Variants in RAMACL observed in about 807,000 individuals in gnomAD.
The protein encoded by RAMACL is RNA guanine-7 methyltransferase activating subunit like, also known as RNA guanine-N7 methyltransferase-activating subunit-like protein.
In RAMACL, 9 loss-of-function variants were observed where a neutral mutation model predicts 13.4. The ratio of observed to expected loss-of-function variants is 0.67; its 90% CI spans 0.41 to 1.17. The LOEUF is 1.17. Ranked by LOEUF, RAMACL falls within the 50% of genes most tolerant of loss-of-function variation. The pLI is 0.01. For synonymous variants in RAMACL, 39 were observed against 49.3 expected (o/e 0.79, Z 0.88); for missense variants, 124 against 141.6 (o/e 0.88, Z 0.63).
At chr6:166,584,714 G>A (rs953525810), downstream of RAMACL, among the ~76,000 whole-genome samples, 2 of 152,128 alleles carry the variant, frequency 1.3e-5, no homozygotes, top group Non-Finnish European at 2.9e-5. Context: ...AATTTTTAAC[G>A]GAAACAAAGG....
At chr6:166,584,428 A>G (rs892155681), downstream of RAMACL, among the ~76,000 whole-genome samples, 1 of 152,250 alleles carries the variant, frequency 6.6e-6, no homozygotes, top group Admixed American at 6.5e-5. Context: ...AATTGAGTCC[A>G]TTAACATTCC....
chr6:166,586,650 T>G (rs1310963760), exon 1 of RAMACL, among the ~76,000 whole-genome samples: 3 of 124,530 alleles, frequency 2.4e-5, no homozygotes. Context: ...CCACTCCAGT[T>G]CTCCAATGTA....
rs1053773428 is a variant in RAMACL at position 166,586,309 on chromosome 6, G to A, written c.169C>T (p.Arg57Trp). ...CTGAACTGTCTGTTGTCTTGCAACC[G>A]ATTGCCTCTGTTTCTTTGGTTCCCA... Residue 57 changes from arginine (R) to tryptophan (W), a missense_variant, in exon 1 of 1, where the codon CGG becomes TGG. Arg to Trp is a moderately radical substitution (Grantham distance 101, BLOSUM62 -3). Coordinates refer to ENST00000444122, the Ensembl canonical transcript of RAMACL. The A allele has an allele frequency of 2.0e-5, 32 of 1,598,970 alleles. No homozygotes were observed. In the South Asian group the frequency reaches 2.2e-4, roughly 11 times the overall value.
downstream of RAMACL, among the ~76,000 whole-genome samples, chr6:166,585,576 C>G (rs1290813922): frequency 1.2e-5 from 1 of 82,328 alleles, no homozygotes; most frequent in East Asian, 3.4e-4. Flanking sequence ...AAGTGTGGAG[C>G]TGACTCATCT....
downstream of RAMACL, among the ~76,000 whole-genome samples, chr6:166,584,675 G>C (rs1013930187): frequency 6.6e-6 from 1 of 152,202 alleles, no homozygotes; most frequent in Non-Finnish European, 1.5e-5. Flanking sequence ...GTGATCTTTT[G>C]CACTTTATTT....
At chr6:166,583,211 C>G (rs1785072851), downstream of RAMACL, among the ~76,000 whole-genome samples, 1 of 152,206 alleles carries the variant, frequency 6.6e-6, no homozygotes, top group Non-Finnish European at 1.5e-5. Flanking sequence ...GCTAAAAGTG[C>G]TGAATTCTTG....
chr6:166,585,498 CTTTTT>C (rs58153048), downstream of RAMACL, among the ~76,000 whole-genome samples: 20 of 86,308 alleles, frequency 2.3e-4, 1 homozygote, highest in African/African-American at 9.1e-4. Flanking sequence ...TCAAACAAGT[CTTTTT>C]TTTTTTTTTT....
chr6:166,584,580 C>T (rs1243632352), downstream of RAMACL, among the ~76,000 whole-genome samples: 4 of 152,160 alleles, frequency 2.6e-5, no homozygotes, highest in Non-Finnish European at 5.9e-5. Flanking sequence ...ATGAAAAATG[C>T]CTGGGCATTC....
chr6:166,585,683 A>G (rs1471497687), exon 1 of RAMACL, among the ~76,000 whole-genome samples: 13 of 94,854 alleles, frequency 1.4e-4, no homozygotes, highest in Admixed American at 3.2e-4. Context: ...GTTATGTACA[A>G]TCTATCACAA....
chr6:166,583,398 T>C (rs1785077832), downstream of RAMACL, among the ~76,000 whole-genome samples: 1 of 152,174 alleles, frequency 6.6e-6, no homozygotes, highest in African/African-American at 2.4e-5. Flanking sequence ...CTGTGAGTCT[T>C]GGTGATTAAA....
downstream of RAMACL, among the ~76,000 whole-genome samples, chr6:166,583,023 C>T (rs1484025935): frequency 1.3e-5 from 2 of 152,184 alleles, no homozygotes; most frequent in Non-Finnish European, 2.9e-5. Context: ...TCGTTGACTG[C>T]TTTTATTCAT....
At chr6:166,586,342 T>C in exon 1 of RAMACL, 1 of 1,599,592 alleles carries the variant, frequency 6.3e-7, no homozygotes, top group South Asian at 1.1e-5. Flanking sequence ...CCACCAGCTC[T>C]GCTATTCCAT....
downstream of RAMACL, among the ~76,000 whole-genome samples, chr6:166,584,397 A>G (rs4710071): frequency 0.29 from 44,154 of 152,166 alleles, 7,107 homozygotes; most frequent in East Asian, 0.54. Flanking sequence ...GGAGCTTCCA[A>G]ATGTGAACAT....
chr6:166,586,239 T>C lies in RAMACL; in HGVS notation c.239A>G (p.Asn80Ser), dbSNP rs111772597. The C allele has an allele frequency of 1.7e-3, 2,691 of 1,594,610 alleles. 16 individuals are homozygous for C. Among genetic ancestry groups the C allele is most frequent in the Non-Finnish European group, 1.7e-3 (1,999 of 1,179,542 alleles). Residue 80 changes from asparagine (N) to serine (S), a missense_variant, in exon 1 of 1, where the codon AAT (asparagine) becomes AGT (serine). By Grantham distance (46) the Asn-to-Ser change is conservative (BLOSUM62 1). Coordinates refer to ENST00000444122, the Ensembl canonical transcript of RAMACL. ...ACCCCAGGATCGTCCATGCCACTGA[T>C]TGGATCGATTGTCACTTGGCCACCC...
downstream of RAMACL, among the ~76,000 whole-genome samples, chr6:166,584,265 C>T (rs1168804930): frequency 1.3e-5 from 2 of 152,248 alleles, no homozygotes; most frequent in African/African-American, 4.8e-5. Flanking sequence ...GAGCTCTGGT[C>T]TCTCTTCCTC....
exon 1 of RAMACL, chr6:166,585,998 C>T: frequency 1.9e-6 from 1 of 515,194 alleles, no homozygotes; most frequent in Non-Finnish European, 3.0e-6. Flanking sequence ...AAAGTCTCAA[C>T]TTCCAAAAAA....
At chr6:166,583,155 A>G (rs1365788264), downstream of RAMACL, among the ~76,000 whole-genome samples, 1 of 152,236 alleles carries the variant, frequency 6.6e-6, no homozygotes, top group Admixed American at 6.5e-5. Context: ...AAGGTATCAT[A>G]TTACACATAA....
At chr6:166,586,632 A>G (rs1485989441) in exon 1 of RAMACL, among the ~76,000 whole-genome samples, 1 of 124,586 alleles carries the variant, frequency 8.0e-6, no homozygotes, top group Admixed American at 7.1e-5. Flanking sequence ...ACACCGTGGA[A>G]CTCCAGACCA....
At chr6:166,584,588 T>A (rs905987887), downstream of RAMACL, among the ~76,000 whole-genome samples, 1 of 152,246 alleles carries the variant, frequency 6.6e-6, no homozygotes, top group Non-Finnish European at 1.5e-5. Context: ...TGCCTGGGCA[T>A]TCTGGGGATA....
Sources: allele counts gnomAD v4.1 joint callset (sites outside exome capture counted in the v4.1 genomes callset), GRCh38; gene constraint gnomAD v4.1.1; transcripts MANE v1.5; gene names NCBI Gene and HGNC (gene_info 2026-07-23, HGNC 2026-07-21).